The following RYR2 variants were observed in gnomAD, a reference collection of about 807,000 sequenced individuals.
RYR2 encodes cardiac muscle ryanodine receptor-calcium release channel.
A neutral mutation model predicts 601.1 loss-of-function variants in RYR2; 227 were observed. That is an observed-to-expected ratio of 0.38 (90% CI 0.34 to 0.42). RYR2 has a LOEUF of 0.42. RYR2 is among the 10% of genes least tolerant of loss of function. The probability of loss-of-function intolerance (pLI) is 1.00; values close to 1 mark genes in which losing one functional copy is unlikely to be tolerated. For synonymous variants in RYR2, 2,223 were observed against 2,175.1 expected (o/e 1.02, Z -0.61); for missense variants, 4,646 against 6,156.5 (o/e 0.75, Z 8.21).
chr1:237,773,789 A>T, intron 87 of RYR2, 141 bp downstream of exon 87: 1 of 666,842 alleles, frequency 1.5e-6, no homozygotes, highest in East Asian at 2.8e-5. Flanking sequence ...TTAGGTTGAG[A>T]TGTGAATTTA....
intron 17 of RYR2, among the ~76,000 whole-genome samples, chr1:237,474,596 A>G (rs900673602): frequency 1.3e-5 from 2 of 152,024 alleles, no homozygotes; most frequent in African/African-American, 2.4e-5. Context: ...AAATTCTCAA[A>G]ATCTTAACCT....
intron 14 of RYR2, among the ~76,000 whole-genome samples, chr1:237,452,838 A>G (rs1658366746): frequency 6.6e-6 from 1 of 151,564 alleles, no homozygotes; most frequent in African/African-American, 2.4e-5. Flanking sequence ...TTTGTATTAG[A>G]GGAAAGCCCT....
chr1:237,171,093 G>A (rs1186964041), intron 1 of RYR2, among the ~76,000 whole-genome samples: 1 of 152,050 alleles, frequency 6.6e-6, no homozygotes, highest in East Asian at 1.9e-4. Flanking sequence ...AATTAGTTGG[G>A]TGTGGTGGTG....
intron 8 of RYR2, among the ~76,000 whole-genome samples, chr1:237,382,776 C>A (rs1208414802): frequency 2.6e-5 from 4 of 152,050 alleles, no homozygotes; most frequent in Non-Finnish European, 4.4e-5. Flanking sequence ...TAAATATTTT[C>A]AAGTGATTTA....
In RYR2 at chr1:237,080,487, C is replaced by G. The variant is rs1243592350; in HGVS notation, c.48+37918C>G. Among the ~76,000 whole-genome samples the G allele has an allele frequency of 1.5e-4, 10 of 67,918 alleles. 1 individual carries two copies. Among genetic ancestry groups the G allele is most frequent in the African/African-American group, 5.1e-4 (10 of 19,540 alleles). 44.6% of individuals were successfully genotyped at this position (67,918 alleles called of 152,430 possible). ...GGGCGAAGGACATGAACAGACACTT[C>G]TCAAAAGAAGACATTTATGCAGCCA... On this transcript the variant is annotated intron_variant, in intron 1 of 104. Transcript: ENST00000366574.
intron 1 of RYR2, among the ~76,000 whole-genome samples, chr1:237,203,627 T>C (rs1177383117): frequency 6.6e-6 from 1 of 152,174 alleles, no homozygotes; most frequent in African/African-American, 2.4e-5. Context: ...TCCAGGTAAA[T>C]AGGTGGTTTG....
chr1:237,121,854 T>G (rs1571913482), intron 1 of RYR2, among the ~76,000 whole-genome samples: 1 of 152,136 alleles, frequency 6.6e-6, no homozygotes, highest in Non-Finnish European at 1.5e-5. Flanking sequence ...AATTTAGATG[T>G]GGTGTATTTG....
At chr1:237,388,265 C>A in intron 10 of RYR2, 82 bp downstream of exon 10, 4 of 1,127,810 alleles carry the variant, frequency 3.5e-6, no homozygotes, top group Non-Finnish European at 3.9e-6. Context: ...TCTATTCATT[C>A]AGGCCAGTAG....
rs533311449 is a variant in RYR2, at chr1:237,407,472, T to C, written c.774-9577T>C. 4.6e-5 allele frequency among the ~76,000 whole-genome samples: 7 copies of C among 152,314 alleles called. No homozygotes were observed. The South Asian group carries it at 1.2e-3, about 27-fold the overall frequency. ...GTTGCAGTATTCCAGGTTTTGGCCATTGTAACATATGAATAGTGATACCTC... is the reference window on the plus strand; with the variant it reads ...GTTGCAGTATTCCAGGTTTTGGCCACTGTAACATATGAATAGTGATACCTC... On this transcript the variant is annotated intron_variant, in intron 10 of 104. Transcript: ENST00000366574.
chr1:237,307,833 AAT>A (rs1049699778), intron 2 of RYR2, among the ~76,000 whole-genome samples: 1 of 152,212 alleles, frequency 6.6e-6, no homozygotes, highest in Non-Finnish European at 1.5e-5. Context: ...TGCTGTACTT[AAT>A]ATTTTTTTAA....
At chr1:237,066,103 A>G (rs1487428092) in intron 1 of RYR2, among the ~76,000 whole-genome samples, 1 of 152,216 alleles carries the variant, frequency 6.6e-6, no homozygotes, top group African/African-American at 2.4e-5. Flanking sequence ...GAATGATACA[A>G]TAGGTGACCT....
intron 1 of RYR2, among the ~76,000 whole-genome samples, chr1:237,127,739 C>A (rs1403646285): frequency 6.6e-6 from 1 of 151,612 alleles, no homozygotes; most frequent in Non-Finnish European, 1.5e-5. Flanking sequence ...CTCCTCACAT[C>A]CCAGACGGGG....
intron 82 of RYR2, 31 bp from the exon 83 acceptor site, chr1:237,759,745 A>G (rs780535632): frequency 3.1e-6 from 4 of 1,301,752 alleles, no homozygotes; most frequent in Middle Eastern, 1.8e-4. Flanking sequence ...ATTTTTGTTC[A>G]GTGGCCACGT....
intron 5 of RYR2, among the ~76,000 whole-genome samples, chr1:237,367,330 G>A (rs996449784): frequency 2.6e-5 from 4 of 152,130 alleles, no homozygotes; most frequent in South Asian, 4.2e-4. Context: ...GACCTCACAC[G>A]ATCCACCTGT....
intron 19 of RYR2, among the ~76,000 whole-genome samples, chr1:237,493,608 A>T (rs1329939294): frequency 6.6e-6 from 1 of 152,074 alleles, no homozygotes; most frequent in African/African-American, 2.4e-5. Flanking sequence ...GCCCGCCACC[A>T]CGCCTGGCTA....
chr1:237,193,422 T>C (rs1166107878), intron 1 of RYR2, among the ~76,000 whole-genome samples: 1 of 152,158 alleles, frequency 6.6e-6, no homozygotes, highest in Non-Finnish European at 1.5e-5. Context: ...ATCGCGCCAC[T>C]GCACTCCAGC....
chr1:237,491,017 T>C (rs1035215423), intron 17 of RYR2, among the ~76,000 whole-genome samples: 1 of 152,160 alleles, frequency 6.6e-6, no homozygotes, highest in African/African-American at 2.4e-5. Context: ...GGCAAGCTTG[T>C]TCAGAAAACA....
intron 1 of RYR2, among the ~76,000 whole-genome samples, chr1:237,086,683 C>A (rs1383607967): frequency 2.6e-5 from 4 of 152,040 alleles, no homozygotes; most frequent in African/African-American, 9.7e-5. Flanking sequence ...ATCATGGGTA[C>A]CCTGTGCAGG....
At chr1:237,739,123 C>T (rs767762769) in intron 79 of RYR2, among the ~76,000 whole-genome samples, 5 of 152,200 alleles carry the variant, frequency 3.3e-5, no homozygotes, top group African/African-American at 4.8e-5. Context: ...TGGTTCTGCA[C>T]GTCCTCTCTA....
Sources: gnomAD v4.1 joint callset for allele counts (sites outside exome capture counted in the v4.1 genomes callset) on GRCh38, gnomAD v4.1.1 for gene constraint, MANE v1.5 for transcripts, NCBI Gene and HGNC (gene_info 2026-07-23, HGNC 2026-07-21) for gene names.